Variants in L3MBTL3 observed in about 807,000 individuals in gnomAD.
L3MBTL3 encodes L3MBTL histone methyl-lysine binding protein 3.
In L3MBTL3, 27 loss-of-function variants were observed where a neutral mutation model predicts 102.3. The ratio of observed to expected loss-of-function variants is 0.26; its 90% CI spans 0.19 to 0.36. The LOEUF is 0.36. Among genes scored for constraint, L3MBTL3 ranks in the 10% least tolerant of loss-of-function variants. L3MBTL3 has a pLI of 1.00. For synonymous variants in L3MBTL3, 340 were observed against 320.9 expected, an observed-to-expected ratio of 1.06 and a Z score of -0.64; for missense variants, 798 against 955.3, an observed-to-expected ratio of 0.84 and a Z score of 2.17.
At chr6:130,106,583 C>T (rs1784991186) in intron 19 of L3MBTL3, among the ~76,000 whole-genome samples, 1 of 152,178 alleles carries the variant, frequency 6.6e-6, no homozygotes, top group Non-Finnish European at 1.5e-5. Context: ...ATGTCCGAAG[C>T]AGCCTGTGAG....
chr6:130,047,814 A>C (rs190478079), intron 3 of L3MBTL3, among the ~76,000 whole-genome samples: 1 of 152,290 alleles, frequency 6.6e-6, no homozygotes, highest in Non-Finnish European at 1.5e-5. Context: ...AGTGATCATT[A>C]AAAACATTTT....
intron 19 of L3MBTL3, among the ~76,000 whole-genome samples, chr6:130,119,365 A>G (rs1435909458): frequency 6.6e-6 from 1 of 152,208 alleles, no homozygotes; most frequent in Non-Finnish European, 1.5e-5. Context: ...ATTATTTCCA[A>G]TTTAATATAA....
chr6:130,063,959 T>A (rs12206570), intron 10 of L3MBTL3, among the ~76,000 whole-genome samples: 2 of 151,996 alleles, frequency 1.3e-5, no homozygotes, highest in Non-Finnish European at 2.9e-5. Flanking sequence ...AAAAGTGTTG[T>A]CAGTCTGTGC....
At position 130,140,886 on chromosome 6, in the gene L3MBTL3, C is replaced by G. The variant is rs1788209835; in HGVS notation, c.*1133C>G. On this transcript the variant is annotated 3_prime_UTR_variant, in exon 23 of 23. Transcript: ENST00000361794. ...TGCTCACAGATCAGGGAGGTGATTT[C>G]CCAAAGTAATTGCCCAAGAACCTCC... 6.6e-6 allele frequency: 1 copy of G among 152,572 alleles called. No individual in the cohort carries two copies. Among genetic ancestry groups the G allele is most frequent in the Admixed American group, 6.5e-5 (1 of 15,280 alleles). 9.5% of individuals were successfully genotyped at this position (152,572 alleles called of 1,614,324 possible).
At position 130,115,965 on chromosome 6, in the gene L3MBTL3, G is replaced by A. The variant is rs144461445; in HGVS notation, c.1887-4914G>A. Among the ~76,000 whole-genome samples, 835 of 152,246 alleles carry A rather than the reference G, an allele frequency of 5.5e-3. 5 individuals are homozygous for A. The highest frequency in any genetic ancestry group is 9.9e-3 in the Admixed American group (152 of 15,290). On this transcript the variant is annotated intron_variant, in intron 19 of 22. Coordinates refer to ENST00000361794, the MANE Select transcript of L3MBTL3 (RefSeq NM_032438.4). ...TAATCTTCATGATACCTTATGTGGTGTAGTTGCTATCATCACACCTTCATT... is the reference window on the plus strand; with the variant it reads ...TAATCTTCATGATACCTTATGTGGTATAGTTGCTATCATCACACCTTCATT...
intron 20 of L3MBTL3, among the ~76,000 whole-genome samples, chr6:130,124,701 T>G (rs1257064138): frequency 6.6e-6 from 1 of 152,238 alleles, no homozygotes; most frequent in East Asian, 1.9e-4. Context: ...CCAGGTGTGG[T>G]GGCTCACGCC....
intron 20 of L3MBTL3, among the ~76,000 whole-genome samples, chr6:130,130,908 T>C (rs1786963322): frequency 6.6e-6 from 1 of 152,180 alleles, no homozygotes; most frequent in Non-Finnish European, 1.5e-5. Context: ...AATTTTGGAT[T>C]AGGCTAGTTT....
intron 3 of L3MBTL3, 150 bp from the exon 4 acceptor site, chr6:130,049,132 A>G (rs1780919776): frequency 1.7e-6 from 1 of 587,260 alleles, no homozygotes; most frequent in South Asian, 2.3e-5. Flanking sequence ...AGGTCTTAGT[A>G]TTGGTGGGAG....
intron 18 of L3MBTL3, among the ~76,000 whole-genome samples, chr6:130,099,892 C>T (rs990708500): frequency 1.3e-5 from 2 of 152,186 alleles, no homozygotes; most frequent in African/African-American, 4.8e-5. Context: ...CAGTGCCTGA[C>T]ACTTCCTAAG....
intron 11 of L3MBTL3, 142 bp downstream of exon 11, chr6:130,066,630 T>A: frequency 3.2e-6 from 2 of 631,016 alleles, no homozygotes; most frequent in Non-Finnish European, 5.3e-6. Context: ...TGAAACCATG[T>A]TTATTAAAGT....
At chr6:130,043,313 A>C (rs1780540774) in intron 3 of L3MBTL3, among the ~76,000 whole-genome samples, 1 of 152,226 alleles carries the variant, frequency 6.6e-6, no homozygotes, top group South Asian at 2.1e-4. Flanking sequence ...TGACTTGTTC[A>C]AAATCGGGTT....
Position 130,056,907 on chromosome 6 carries a change from C to G in L3MBTL3, c.668-499C>G, listed in dbSNP as rs193045069. ...ATTTCCAGTATTTGTCAAATTAATCCAAAATATATAAAACTAATATTAACT... is the reference window on the plus strand; with the variant it reads ...ATTTCCAGTATTTGTCAAATTAATCGAAAATATATAAAACTAATATTAACT... On this transcript the variant is annotated intron_variant, in intron 8 of 22. Transcript: ENST00000361794. 3.4e-3 allele frequency among the ~76,000 whole-genome samples: 512 copies of G among 152,176 alleles called. 2 individuals carry two copies. Among genetic ancestry groups the G allele is most frequent in the African/African-American group, 0.01 (431 of 41,524 alleles).
chr6:130,047,334 GAA>G (rs1423326942), intron 3 of L3MBTL3, among the ~76,000 whole-genome samples: 1 of 152,164 alleles, frequency 6.6e-6, no homozygotes, highest in African/African-American at 2.4e-5. Flanking sequence ...TTAGGAGAAA[GAA>G]AAGCTGACTG....
chr6:130,040,724 A>G (rs1780365229), intron 2 of L3MBTL3, among the ~76,000 whole-genome samples: 2 of 152,348 alleles, frequency 1.3e-5, no homozygotes, highest in South Asian at 4.1e-4. Context: ...AAACCCGAAT[A>G]AACATAGCTT....
chr6:130,075,984 G>A (rs1178738069), intron 13 of L3MBTL3, among the ~76,000 whole-genome samples: 1 of 152,190 alleles, frequency 6.6e-6, no homozygotes, highest in Non-Finnish European at 1.5e-5. Context: ...GTGGGTAATA[G>A]AATTGGACAT....
In L3MBTL3 at chr6:130,092,802, G is replaced by C. The variant is rs1254738574; in HGVS notation, c.1576G>C (p.Asp526His). Residue 526 changes from aspartate to histidine, a missense_variant, in exon 17 of 23, where the codon GAT becomes CAT. Around this residue, in one of 4 missense-constraint regions of L3MBTL3, gnomAD observed 306 missense variants for 314.4 expected, o/e 0.97. Transcript: ENST00000361794. ...YDYWIDADSP[D>H]IHPVGWCSKT... ...TTACTGGATAGATGCAGATTCTCCT[G>C]ATATTCACCCTGTAGGCTGGTGTTC... 2 of 1,613,276 alleles carry C rather than the reference G, an allele frequency of 1.2e-6. No individual in the cohort carries two copies. The highest frequency in any genetic ancestry group is 2.7e-5 in the African/African-American group (2 of 74,882).
intron 16 of L3MBTL3, among the ~76,000 whole-genome samples, chr6:130,088,498 CAAGTAAA>C (rs1372451109): frequency 6.6e-6 from 1 of 152,128 alleles, no homozygotes; most frequent in East Asian, 1.9e-4. Flanking sequence ...AAAATCAACT[CAAGTAAA>C]ATCATCTTTT....
chr6:130,049,442 A>C, intron 4 of L3MBTL3, 49 bp downstream of exon 4: 1 of 1,219,236 alleles, frequency 8.2e-7, no homozygotes, highest in South Asian at 1.4e-5. Context: ...AAAGATTTGA[A>C]ATAAGAATAT....
At chr6:130,024,941 C>A (rs1779248139) in intron 2 of L3MBTL3, among the ~76,000 whole-genome samples, 2 of 152,164 alleles carry the variant, frequency 1.3e-5, no homozygotes, top group Admixed American at 1.3e-4. Flanking sequence ...AGGACCATGG[C>A]ATATCATCCA....
Sources: gnomAD v4.1 joint callset for allele counts (sites outside exome capture counted in the v4.1 genomes callset) on GRCh38, gnomAD v4.1.1 for gene constraint, gnomAD v4.1.1 regional missense constraint, MANE v1.5 for transcripts, NCBI Gene and HGNC (gene_info 2026-07-23, HGNC 2026-07-21) for gene names.